CAMTA1: variants seen among roughly 807,000 people sequenced by gnomAD.
CAMTA1 encodes the protein calmodulin-binding transcription activator 1.
CAMTA1 carries 27 observed loss-of-function variants against 170.9 expected under a neutral mutation model. The observed-to-expected ratio is 0.16, with a 90% CI of 0.12 to 0.22. CAMTA1 has a LOEUF of 0.22. Ranked by LOEUF, CAMTA1 falls within the 10% of genes least tolerant of loss-of-function variation. The probability of loss-of-function intolerance (pLI) is 1.00; values close to 1 mark genes in which losing one functional copy is unlikely to be tolerated. For missense variants in CAMTA1, 1,619 were observed against 2,217.2 expected, an observed-to-expected ratio of 0.73 and a Z score of 5.42; for synonymous variants, 833 against 891.5, an observed-to-expected ratio of 0.93 and a Z score of 1.17.
At chr1:7,706,748 G>GTCGTCC (rs1208750562) in intron 11 of CAMTA1, among the ~76,000 whole-genome samples, 3 of 152,170 alleles carry the variant, frequency 2.0e-5, no homozygotes, top group Non-Finnish European at 4.4e-5. Context: ...CCTTGATGAG[G>GTCGTCC]TCGTCCTGAT....
At chr1:7,115,488 G>A (rs1304957124) in intron 4 of CAMTA1, among the ~76,000 whole-genome samples, 4 of 99,086 alleles carry the variant, frequency 4.0e-5, no homozygotes, top group East Asian at 6.7e-4. Flanking sequence ...GTGTGAGTCC[G>A]AAAACCTGAG....
chr1:7,210,114 A>T (rs1203530918), intron 4 of CAMTA1, among the ~76,000 whole-genome samples: 1 of 152,248 alleles, frequency 6.6e-6, no homozygotes, highest in African/African-American at 2.4e-5. Context: ...GCATTATCCA[A>T]TCTGTAGACT....
At chr1:7,030,853 G>C (rs1363840293) in intron 3 of CAMTA1, among the ~76,000 whole-genome samples, 1 of 138,020 alleles carries the variant, frequency 7.2e-6, no homozygotes, top group African/African-American at 2.7e-5. Flanking sequence ...TTTTTTTTTT[G>C]AGATGGATCC....
intron 3 of CAMTA1, among the ~76,000 whole-genome samples, chr1:6,929,563 C>T (rs1327043113): frequency 6.6e-6 from 1 of 152,198 alleles, no homozygotes; most frequent in South Asian, 2.1e-4. Context: ...CGGGGTTTCA[C>T]CATGTTAGCC....
At chr1:7,018,156 TCAGGAG>T in intron 3 of CAMTA1, among the ~76,000 whole-genome samples, 1 of 152,116 alleles carries the variant, frequency 6.6e-6, no homozygotes, top group South Asian at 2.1e-4. Context: ...ACAGATGGTC[TCAGGAG>T]TCTCCTTTGT....
chr1:7,335,847 C>T lies in CAMTA1; in HGVS notation c.438+86221C>T, dbSNP rs550465731. 4.0e-5 allele frequency among the ~76,000 whole-genome samples: 6 copies of T among 151,280 alleles called. No homozygotes were observed. In the South Asian group the frequency reaches 1.3e-3, roughly 32 times the overall value. On this transcript the variant is annotated intron_variant, in intron 5 of 22. Transcript: ENST00000303635. ...GAAACACAGAACACGGGTTTGTGTA[C>T]TAAGTAAAATGTGGTTAAATAAGAT...
intron 4 of CAMTA1, among the ~76,000 whole-genome samples, chr1:7,107,066 A>AT (rs1211102976): frequency 1.3e-5 from 2 of 152,076 alleles, no homozygotes; most frequent in African/African-American, 4.8e-5. Context: ...ATGCAATTCC[A>AT]TAATGTCTAG....
rs2095619118 is a variant in CAMTA1, at chr1:7,624,343, C to T, written c.511-16057C>T. Reference sequence around the variant, plus strand: ...GAAAGAGTGCCATCCGCCATGGTTCCAGTGCAGAATTCCAAGGGCCAAGAT... The same window carrying T: ...GAAAGAGTGCCATCCGCCATGGTTCTAGTGCAGAATTCCAAGGGCCAAGAT... On this transcript the variant is annotated intron_variant, in intron 6 of 22. Transcript: ENST00000303635. Among the ~76,000 whole-genome samples the T allele has an allele frequency of 2.6e-5, 4 of 151,828 alleles. No homozygotes were observed. In the South Asian group the frequency reaches 8.3e-4, roughly 32 times the overall value.
intron 5 of CAMTA1, among the ~76,000 whole-genome samples, chr1:7,415,642 C>T (rs1217931950): frequency 6.6e-6 from 1 of 152,100 alleles, no homozygotes; most frequent in African/African-American, 2.4e-5. Flanking sequence ...TTATTTTGAG[C>T]CTATGTGTGT....
At chr1:7,652,845 C>G (rs542647794) in intron 7 of CAMTA1, among the ~76,000 whole-genome samples, 2 of 152,124 alleles carry the variant, frequency 1.3e-5, no homozygotes, top group East Asian at 3.9e-4. Flanking sequence ...AGGCAGGTCG[C>G]CCAGTGGAAA....
intron 3 of CAMTA1, among the ~76,000 whole-genome samples, chr1:7,001,861 T>C (rs1413702338): frequency 2.0e-5 from 3 of 152,026 alleles, no homozygotes; most frequent in South Asian, 4.2e-4. Flanking sequence ...TGCACTTAAT[T>C]ACAACCCTTT....
intron 4 of CAMTA1, among the ~76,000 whole-genome samples, chr1:7,147,946 G>GCA (rs904139512): frequency 2.5e-4 from 34 of 138,624 alleles, no homozygotes; most frequent in Admixed American, 1.2e-3. Flanking sequence ...CATATACCAT[G>GCA]CACACACACA....
chr1:7,715,432 C>CTTTTTTT, intron 11 of CAMTA1, among the ~76,000 whole-genome samples: 1 of 142,276 alleles, frequency 7.0e-6, no homozygotes. Flanking sequence ...TAGCCACACA[C>CTTTTTTT]TTTTTTTTTT....
chr1:7,727,355 C>A (rs2096697031), intron 11 of CAMTA1, among the ~76,000 whole-genome samples: 1 of 152,202 alleles, frequency 6.6e-6, no homozygotes, highest in African/African-American at 2.4e-5. Context: ...ATCTCCTGAT[C>A]TTGTGATCCA....
chr1:6,822,175 C>T (rs942144250), intron 2 of CAMTA1, among the ~76,000 whole-genome samples: 3 of 152,078 alleles, frequency 2.0e-5, no homozygotes, highest in African/African-American at 7.2e-5. Flanking sequence ...CCAGTATATG[C>T]CTTAATTTTA....
intron 9 of CAMTA1, among the ~76,000 whole-genome samples, chr1:7,666,499 C>T (rs1485679450): frequency 6.6e-6 from 1 of 152,188 alleles, no homozygotes; most frequent in Non-Finnish European, 1.5e-5. Context: ...GGAATCTCTG[C>T]TTTTTCTGTA....
At chr1:7,722,066 G>T (rs1233703904) in intron 11 of CAMTA1, among the ~76,000 whole-genome samples, 1 of 152,170 alleles carries the variant, frequency 6.6e-6, no homozygotes, top group Non-Finnish European at 1.5e-5. Flanking sequence ...GGTGCTGCTG[G>T]GGCCTGAGGG....
chr1:7,744,044 G>A (rs36143885), intron 16 of CAMTA1, among the ~76,000 whole-genome samples: 29,099 of 150,786 alleles, frequency 0.19, 3,009 homozygotes, highest in Admixed American at 0.22. Flanking sequence ...AGCCAGGATG[G>A]TCTTAATCTC....
At chr1:7,240,803 G>A (rs933982434) in intron 4 of CAMTA1, among the ~76,000 whole-genome samples, 1 of 152,104 alleles carries the variant, frequency 6.6e-6, no homozygotes, top group South Asian at 2.1e-4. Flanking sequence ...ACCACACCTG[G>A]TCTGGAGTCC....
Sources: allele counts gnomAD v4.1 joint callset (sites outside exome capture counted in the v4.1 genomes callset), GRCh38; gene constraint gnomAD v4.1.1; transcripts MANE v1.5; gene names NCBI Gene and HGNC (gene_info 2026-07-23, HGNC 2026-07-21).